The following KIF13B variants were observed in gnomAD, a reference collection of about 807,000 sequenced individuals.
The protein encoded by KIF13B is kinesin-like protein KIF13B.
A neutral mutation model predicts 222.0 loss-of-function variants in KIF13B; 127 were observed. The ratio of observed to expected loss-of-function variants is 0.57; its 90% CI spans 0.50 to 0.66. KIF13B has a LOEUF of 0.66. KIF13B is among the 30% of genes least tolerant of loss of function. KIF13B has a pLI of 0.00. For synonymous variants in KIF13B, 976 were observed against 919.0 expected, an observed-to-expected ratio of 1.06 and a Z score of -1.12; for missense variants, 2,173 against 2,379.0, an observed-to-expected ratio of 0.91 and a Z score of 1.80.
intron 36 of KIF13B, among the ~76,000 whole-genome samples, chr8:29,096,991 G>A (rs1808562235): frequency 6.6e-6 from 1 of 152,058 alleles, no homozygotes; most frequent in Non-Finnish European, 1.5e-5. Context: ...GGAAGGGTTC[G>A]TGAAGCATGC....
rs1811960013 is a variant in KIF13B, at chr8:29,165,656, A to T, written c.1269+6T>A. 6.3e-7 allele frequency: 1 copy of T among 1,580,832 alleles called. No homozygotes were observed. Among genetic ancestry groups the T allele is most frequent in the Admixed American group, 1.7e-5 (1 of 59,878 alleles). On this transcript the variant is annotated splice_donor_region_variant and intron_variant, in intron 12 of 39. Transcript: ENST00000524189. ...TTCATGCGCTTCATCATCAGGAAAC[A>T]CGAACCTGTGCAATCTCCTCCGTTT...
In KIF13B at chr8:29,067,894, C is replaced by G. The variant is rs1018436402; in HGVS notation, c.*2610G>C. The G allele has an allele frequency of 6.6e-6, 1 of 152,648 alleles. No homozygotes were observed. The highest frequency in any genetic ancestry group is 1.5e-5 in the Non-Finnish European group (1 of 68,264). 9.5% of individuals were successfully genotyped at this position (152,648 alleles called of 1,614,324 possible). A position where few individuals can be genotyped will look rare whatever the true frequency, so the allele number is the denominator to read the frequency against. ...GCCCTCCCGCTCCCTCTGGTCAGGC[C>G]TGGGTACCCAGGAACCCAGTCACAC... is the stretch of plus-strand genomic sequence containing the variant. On this transcript the variant is annotated 3_prime_UTR_variant, in exon 40 of 40. Transcript: ENST00000524189.
At chr8:29,230,483 G>C (rs566607056) in intron 2 of KIF13B, among the ~76,000 whole-genome samples, 3 of 152,278 alleles carry the variant, frequency 2.0e-5, no homozygotes, top group African/African-American at 7.2e-5. Context: ...CCAGGTCAAC[G>C]GACAGCCAGC....
intron 25 of KIF13B, among the ~76,000 whole-genome samples, chr8:29,126,850 ATGT>A (rs1054650052): frequency 1.3e-5 from 2 of 152,134 alleles, no homozygotes; most frequent in Non-Finnish European, 1.5e-5. Context: ...GGGTGGGGTG[ATGT>A]TGAGGAGTTA....
intron 36 of KIF13B, among the ~76,000 whole-genome samples, chr8:29,097,116 TA>T (rs1808568189): frequency 6.6e-6 from 1 of 152,150 alleles, no homozygotes. Flanking sequence ...GCTAAAATTT[TA>T]AAAGCCAAGA....
At chr8:29,178,607 T>TTA (rs747025454) in intron 8 of KIF13B, among the ~76,000 whole-genome samples, 6 of 151,092 alleles carry the variant, frequency 4.0e-5, no homozygotes, top group Admixed American at 1.3e-4. Flanking sequence ...AAACATGCTG[T>TTA]TAACAAAAGG....
intron 10 of KIF13B, among the ~76,000 whole-genome samples, chr8:29,173,295 A>G (rs531708182): frequency 7.0e-4 from 106 of 152,076 alleles, no homozygotes; most frequent in African/African-American, 2.5e-3. Flanking sequence ...AAATGTTTCT[A>G]TGGAAAGTTT....
chr8:29,146,173 G>C, intron 18 of KIF13B: 2 of 621,918 alleles, frequency 3.2e-6, no homozygotes, highest in Non-Finnish European at 5.7e-6. Context: ...GAGATGCAGA[G>C]TATATTCCCC....
At chr8:29,096,484 G>C (rs1187905447) in intron 36 of KIF13B, among the ~76,000 whole-genome samples, 10 of 150,472 alleles carry the variant, frequency 6.6e-5, no homozygotes, top group Admixed American at 6.6e-4. Flanking sequence ...TTTTTTTGTG[G>C]AGATGGGGTT....
chr8:29,095,963 GTGTTT>G (rs1808502412), intron 36 of KIF13B, among the ~76,000 whole-genome samples: 1 of 131,394 alleles, frequency 7.6e-6, no homozygotes, highest in Non-Finnish European at 1.7e-5. Flanking sequence ...AAGACAAGTA[GTGTTT>G]TTTTTTGTTT....
intron 6 of KIF13B, among the ~76,000 whole-genome samples, chr8:29,186,032 A>C (rs1423748285): frequency 6.6e-6 from 1 of 152,146 alleles, no homozygotes; most frequent in African/African-American, 2.4e-5. Context: ...CATCTCTCTG[A>C]TTATGCCTCT....
In KIF13B at chr8:29,160,833, G is replaced by A; in HGVS notation, c.1304C>T (p.Ser435Phe). 8 of 1,613,328 alleles carry A rather than the reference G, an allele frequency of 5.0e-6. No individual in the cohort carries two copies. Among genetic ancestry groups the A allele is most frequent in the Non-Finnish European group, 6.8e-6 (8 of 1,179,396 alleles). ...AACTTTGATTCCCGAAGACTGAAGA[G>A]ATATTCCAAGACTCTCAAGCTGTTT... ...RQKQLESLGI[S>F]LQSSGIKVGD... is the part of the protein sequence containing the mutation. Residue 435 changes from serine to phenylalanine, a missense_variant, in exon 13 of 40, where the codon TCT becomes TTT. By Grantham distance (155) the Ser-to-Phe change is radical. This residue lies in a region of KIF13B where 1,480 missense variants were observed against 1,722.8 expected (regional missense o/e 0.86). Transcript: ENST00000524189.
rs143056074 is a variant in KIF13B at position 29,091,411 on chromosome 8, C to T, written c.4458+1334G>A. Among the ~76,000 whole-genome samples, 263 of 152,314 alleles carry T rather than the reference C, an allele frequency of 1.7e-3. 1 individual carries two copies. Among genetic ancestry groups the T allele is most frequent in the African/African-American group, 6.0e-3 (251 of 41,558 alleles). On this transcript the variant is annotated intron_variant, in intron 37 of 39. Coordinates refer to ENST00000524189, the MANE Select transcript of KIF13B (RefSeq NM_015254.4). ...CGTGATTCCAATTTCCTTCAACCTA[C>T]ATGACTCCGCCTTCACCAAACAGCA...
intron 34 of KIF13B, 74 bp downstream of exon 34, chr8:29,109,357 TGGA>T (rs1341060968): frequency 2.6e-6 from 3 of 1,135,446 alleles, no homozygotes; most frequent in Non-Finnish European, 2.7e-6. Context: ...GTTTGACGGG[TGGA>T]GAAGAGTTAC....
Position 29,069,946 on chromosome 8 carries a change from G to C in KIF13B, c.*558C>G, listed in dbSNP as rs1361421116. ...ATCTGCCAGAGCCCAGGGCCCTCCA[G>C]AGGCACTTGTGGAACCTGGGACCAG... is the stretch of plus-strand genomic sequence containing the variant. On this transcript the variant is annotated 3_prime_UTR_variant, in exon 40 of 40. Coordinates refer to ENST00000524189, the MANE Select transcript of KIF13B (RefSeq NM_015254.4). 1 of 154,040 alleles carries C rather than the reference G, an allele frequency of 6.5e-6. No homozygotes were observed. Among genetic ancestry groups the C allele is most frequent in the Admixed American group, 6.4e-5 (1 of 15,548 alleles). The allele number at this position is 154,040 out of a possible 1,614,324, so 9.5% of individuals were successfully genotyped here. A position where few individuals can be genotyped will look rare whatever the true frequency, so the allele number is the denominator to read the frequency against.
intron 36 of KIF13B, among the ~76,000 whole-genome samples, chr8:29,094,492 C>T (rs1204285186): frequency 6.6e-6 from 1 of 152,156 alleles, no homozygotes; most frequent in Non-Finnish European, 1.5e-5. Context: ...AAAGGACATA[C>T]ATCATATGGC....
At chr8:29,162,351 G>C (rs555961945) in intron 12 of KIF13B, among the ~76,000 whole-genome samples, 2 of 152,282 alleles carry the variant, frequency 1.3e-5, no homozygotes, top group African/African-American at 4.8e-5. Context: ...ATCCTGCCTA[G>C]AAGTATACTA....
intron 5 of KIF13B, 28 bp from the exon 6 acceptor site, chr8:29,186,500 T>C (rs1338978088): frequency 9.5e-6 from 15 of 1,579,026 alleles, no homozygotes; most frequent in East Asian, 6.7e-5. Flanking sequence ...AGAGTTACTA[T>C]TGTCTCTTTG....
At chr8:29,179,676 A>C (rs908235083) in intron 8 of KIF13B, among the ~76,000 whole-genome samples, 4 of 152,186 alleles carry the variant, frequency 2.6e-5, no homozygotes, top group African/African-American at 9.7e-5. Context: ...TGGCAGCGGG[A>C]CTGGGGAAAT....
Sources: gnomAD v4.1 joint callset for allele counts (sites outside exome capture counted in the v4.1 genomes callset) on GRCh38, gnomAD v4.1.1 for gene constraint, gnomAD v4.1.1 regional missense constraint, MANE v1.5 for transcripts, NCBI Gene and HGNC (gene_info 2026-07-23, HGNC 2026-07-21) for gene names.